CDC37L1: variants seen among roughly 807,000 people sequenced by gnomAD.
The protein encoded by CDC37L1 is hsp90 co-chaperone Cdc37-like 1.
A neutral mutation model predicts 45.9 loss-of-function variants in CDC37L1; 32 were observed. That is an observed-to-expected ratio of 0.70 (90% confidence interval 0.53 to 0.94). CDC37L1 has a LOEUF of 0.94. Ranked by LOEUF, CDC37L1 falls within the 40% of genes least tolerant of loss-of-function variation. The pLI is 0.00. For synonymous variants in CDC37L1, 150 were observed against 133.0 expected, an observed-to-expected ratio of 1.13 and a Z score of -0.88; for missense variants, 434 against 405.7, an observed-to-expected ratio of 1.07 and a Z score of -0.60.
At chr9:4,689,991 C>A (rs1374079995) in intron 3 of CDC37L1, among the ~76,000 whole-genome samples, 1 of 152,186 alleles carries the variant, frequency 6.6e-6, no homozygotes, top group East Asian at 1.9e-4. Flanking sequence ...AGAAGCAGTT[C>A]TTTCACTTTT....
chr9:4,699,619 T>C, intron 5 of CDC37L1, among the ~76,000 whole-genome samples: 1 of 152,120 alleles, frequency 6.6e-6, no homozygotes, highest in Non-Finnish European at 1.5e-5. Flanking sequence ...AATAATATAT[T>C]GTTGAAGGAT....
In CDC37L1 at chr9:4,679,608, G is replaced by T. The variant is rs902535906; in HGVS notation, c.-160G>T. On this transcript the variant is annotated 5_prime_UTR_variant, in exon 1 of 7. Coordinates refer to ENST00000381854, the MANE Select transcript of CDC37L1 (RefSeq NM_017913.4). The stretch of plus-strand genomic sequence containing the variant: ...CGGTGGCGAGGCCCAGGCTGTCGCC[G>T]GGTGTGCAGCGGCGTCGCGGCCAGT... The T allele has an allele frequency of 5.8e-5, 35 of 608,670 alleles. No homozygotes were observed. The highest frequency in any genetic ancestry group is 3.4e-4 in the African/African-American group (18 of 52,308). 37.7% of individuals were successfully genotyped at this position (608,670 alleles called of 1,614,324 possible).
chr9:4,696,775 A>G (rs937314917), intron 3 of CDC37L1, among the ~76,000 whole-genome samples: 2 of 152,220 alleles, frequency 1.3e-5, no homozygotes, highest in African/African-American at 2.4e-5. Flanking sequence ...CTAACTCTCA[A>G]TTTGCCCAAG....
rs907281357 is a variant in CDC37L1 at position 4,706,181 on chromosome 9, A to C, written c.*69A>C. On this transcript the variant is annotated 3_prime_UTR_variant, in exon 7 of 7. Transcript: ENST00000381854. Reference sequence around the variant, plus strand: ...AAGGAAGAACTTGGCTATTTTCTTGACACTTTTATGGGTGCTGCACTTTAT... The same window carrying C: ...AAGGAAGAACTTGGCTATTTTCTTGCCACTTTTATGGGTGCTGCACTTTAT... The C allele has an allele frequency of 1.2e-5, 9 of 780,364 alleles. No homozygotes were observed. The Admixed American group carries it at 1.7e-4, about 14-fold the overall frequency. 48.3% of individuals were successfully genotyped at this position (780,364 alleles called of 1,614,324 possible). A position where few individuals can be genotyped will look rare whatever the true frequency, so the allele number is the denominator to read the frequency against.
At chr9:4,705,024 G>A (rs549370967) in intron 6 of CDC37L1, among the ~76,000 whole-genome samples, 75 of 152,240 alleles carry the variant, frequency 4.9e-4, no homozygotes, top group African/African-American at 1.6e-3. Context: ...GGAATAATCC[G>A]AACTCCAGCT....
rs80349141 is a variant in CDC37L1, at chr9:4,704,705, G to A, written c.913-1306G>A. 2.7e-3 allele frequency among the ~76,000 whole-genome samples: 406 copies of A among 152,282 alleles called. 1 individual carries two copies. The highest frequency in any genetic ancestry group is 8.9e-3 in the African/African-American group (368 of 41,560). On this transcript the variant is annotated intron_variant, in intron 6 of 6. Transcript: ENST00000381854. Reference sequence around the variant, plus strand: ...ATTGGTCATTTTTGATAAAGCTTAAGTGTGGGTAACCATTTAGCTTTTCAT... The same window carrying A: ...ATTGGTCATTTTTGATAAAGCTTAAATGTGGGTAACCATTTAGCTTTTCAT...
intron 3 of CDC37L1, among the ~76,000 whole-genome samples, chr9:4,695,479 T>C (rs1841339035): frequency 1.3e-5 from 2 of 152,230 alleles, no homozygotes; most frequent in Admixed American, 1.3e-4. Context: ...GAGAAAATGC[T>C]ACAGTCTTTA....
intron 1 of CDC37L1, among the ~76,000 whole-genome samples, chr9:4,683,031 TTATA>T (rs1841211907): frequency 7.0e-6 from 1 of 143,542 alleles, no homozygotes; most frequent in South Asian, 2.1e-4. Flanking sequence ...TATATTATAT[TTATA>T]TATAAAATAT....
intron 3 of CDC37L1, among the ~76,000 whole-genome samples, chr9:4,689,441 T>C (rs990390517): frequency 2.0e-5 from 3 of 152,190 alleles, no homozygotes; most frequent in Non-Finnish European, 4.4e-5. Context: ...GGTGTTTATT[T>C]ACCCAACGTT....
chr9:4,700,683 T>G (rs1841388596), intron 5 of CDC37L1, among the ~76,000 whole-genome samples: 1 of 152,240 alleles, frequency 6.6e-6, no homozygotes, highest in Non-Finnish European at 1.5e-5. Flanking sequence ...ACTTTCATGG[T>G]ATGCTTACTT....
intron 5 of CDC37L1, among the ~76,000 whole-genome samples, chr9:4,701,609 A>C (rs1183208955): frequency 2.0e-5 from 3 of 152,186 alleles, no homozygotes. Flanking sequence ...AGTTGTGTGC[A>C]TATGCATAGG....
chr9:4,697,870 G>A lies in CDC37L1; in HGVS notation c.738G>A (p.Gln246=), dbSNP rs1181968413. 1.2e-6 allele frequency: 2 copies of A among 1,613,122 alleles called. No individual in the cohort carries two copies. The highest frequency in any genetic ancestry group is 8.5e-7 in the Non-Finnish European group (1 of 1,179,532). Residue 246 remains glutamine, a synonymous_variant, in exon 5 of 7, where the codon CAG becomes CAA. Coordinates refer to ENST00000381854, the MANE Select transcript of CDC37L1 (RefSeq NM_017913.4). ...GAGGGTGTTTTCGTTTATTTTTCCAGAAAGCCAAAGTAAGTAGTTATTTGA... is the reference window on the plus strand; with the variant it reads ...GAGGGTGTTTTCGTTTATTTTTCCAAAAAGCCAAAGTAAGTAGTTATTTGA... ...DPRGCFRLFF[Q]KAKAEEEGYF... is the part of the protein sequence containing the mutation.
intron 2 of CDC37L1, among the ~76,000 whole-genome samples, chr9:4,687,670 C>T (rs753781635): frequency 3.8e-5 from 5 of 130,266 alleles, no homozygotes; most frequent in African/African-American, 1.6e-4. Flanking sequence ...CAGAGCAAGA[C>T]CCCATCTCAA....
chr9:4,679,686 C>A lies in CDC37L1; in HGVS notation c.-82C>A. The A allele has an allele frequency of 7.4e-7, 1 of 1,352,202 alleles. No homozygotes were observed. The highest frequency in any genetic ancestry group is 1.5e-5 in the African/African-American group (1 of 68,938). 83.8% of individuals were successfully genotyped at this position (1,352,202 alleles called of 1,614,324 possible). A position where few individuals can be genotyped will look rare whatever the true frequency, so the allele number is the denominator to read the frequency against. On this transcript the variant is annotated 5_prime_UTR_variant, in exon 1 of 7. Transcript: ENST00000381854. ...CCCCGGCTGGGCTTCTGGCTCGGCG[C>A]AGCAGGTTCCATTCACGCCAAGTCT...
chr9:4,691,808 C>T (rs1330094664), intron 3 of CDC37L1, among the ~76,000 whole-genome samples: 1 of 152,042 alleles, frequency 6.6e-6, no homozygotes, highest in African/African-American at 2.4e-5. Context: ...ACTTTTTCCT[C>T]TACATTTGTA....
chr9:4,682,128 C>T (rs1253619264), intron 1 of CDC37L1, among the ~76,000 whole-genome samples: 6 of 150,476 alleles, frequency 4.0e-5, no homozygotes, highest in Non-Finnish European at 5.9e-5. Flanking sequence ...ATCCATATTA[C>T]CATATTACTT....
chr9:4,681,168 C>T (rs1193390352), intron 1 of CDC37L1, among the ~76,000 whole-genome samples: 1 of 152,074 alleles, frequency 6.6e-6, no homozygotes, highest in Admixed American at 6.5e-5. Flanking sequence ...ATTTTGAAGG[C>T]ATATGAAGAG....
chr9:4,701,674 C>A (rs1439109311), intron 5 of CDC37L1, among the ~76,000 whole-genome samples, 190 bp from the exon 6 acceptor site: 1 of 152,088 alleles, frequency 6.6e-6, no homozygotes, highest in Non-Finnish European at 1.5e-5. Context: ...ATGGAGCAAA[C>A]CAATTATTAA....
chr9:4,703,061 G>A, intron 6 of CDC37L1: 3 of 1,539,092 alleles, frequency 1.9e-6, no homozygotes, highest in Non-Finnish European at 2.6e-6. Flanking sequence ...CACTTTAATA[G>A]AGCCCAGTCA....
Sources: allele counts gnomAD v4.1 joint callset (sites outside exome capture counted in the v4.1 genomes callset), GRCh38; gene constraint gnomAD v4.1.1; transcripts MANE v1.5; gene names NCBI Gene and HGNC (gene_info 2026-07-23, HGNC 2026-07-21).